ATF6: variants seen among roughly 807,000 people sequenced by gnomAD.
ATF6 encodes activating transcription factor 6.
In ATF6, 53 loss-of-function variants were observed where a neutral mutation model predicts 83.6. That is an observed-to-expected ratio of 0.63 (90% CI 0.51 to 0.80). The LOEUF (loss-of-function observed/expected upper bound fraction) is 0.80, where lower values mean the gene tolerates loss of function less well. Among genes scored for constraint, ATF6 ranks in the 30% least tolerant of loss-of-function variants. ATF6 has a pLI of 0.00. For missense variants in ATF6, 744 were observed against 797.9 expected, an observed-to-expected ratio of 0.93 and a Z score of 0.81; for synonymous variants, 288 against 285.8, an observed-to-expected ratio of 1.01 and a Z score of -0.08.
At chr1:161,936,585 C>G (rs759526567) in intron 15 of ATF6, among the ~76,000 whole-genome samples, 7 of 152,144 alleles carry the variant, frequency 4.6e-5, no homozygotes, top group Non-Finnish European at 8.8e-5. Context: ...TAAATTTCAT[C>G]TTGTTGGAGT....
intron 6 of ATF6, among the ~76,000 whole-genome samples, chr1:161,795,833 A>C: frequency 6.6e-6 from 1 of 152,216 alleles, no homozygotes; most frequent in East Asian, 1.9e-4. Context: ...GCATTTACCA[A>C]GTCACCATGA....
At chr1:161,929,622 AC>A (rs907295415) in intron 15 of ATF6, among the ~76,000 whole-genome samples, 7 of 152,232 alleles carry the variant, frequency 4.6e-5, no homozygotes, top group Non-Finnish European at 7.3e-5. Context: ...GCAGTCAGGC[AC>A]TAAGTGGCCA....
In ATF6 at chr1:161,835,624, C is replaced by G. The variant is rs376577574; in HGVS notation, c.1188-10825C>G. 2.6e-5 allele frequency among the ~76,000 whole-genome samples: 4 copies of G among 152,050 alleles called. No homozygotes were observed. In the East Asian group the frequency reaches 7.7e-4, roughly 29 times the overall value. ...ATTCATTAGATTATAAGATAATGTA[C>G]GTAAGGGAAGTTTTTATTAAAATGT... On this transcript the variant is annotated intron_variant, in intron 9 of 15. Coordinates refer to ENST00000367942, the MANE Select transcript of ATF6 (RefSeq NM_007348.4).
chr1:161,911,816 T>C (rs2101888255), intron 14 of ATF6, among the ~76,000 whole-genome samples: 1 of 152,280 alleles, frequency 6.6e-6, no homozygotes, highest in South Asian at 2.1e-4. Flanking sequence ...AAAGAGTTTA[T>C]TGCCTTTAAA....
At chr1:161,816,078 A>G (rs1685604288) in intron 7 of ATF6, among the ~76,000 whole-genome samples, 1 of 152,218 alleles carries the variant, frequency 6.6e-6, no homozygotes, top group Non-Finnish European at 1.5e-5. Context: ...ACAGTCAAAT[A>G]AGTGTTTACT....
chr1:161,792,469 A>G (rs773863423), intron 6 of ATF6, 142 bp downstream of exon 6: 2 of 779,352 alleles, frequency 2.6e-6, no homozygotes, highest in Non-Finnish European at 4.2e-6. Flanking sequence ...GACGTTGCAG[A>G]GATGACTAAT....
chr1:161,843,194 A>T lies in ATF6; in HGVS notation c.1188-3255A>T, dbSNP rs1686399966. Among the ~76,000 whole-genome samples, 4 of 152,284 alleles carry T rather than the reference A, an allele frequency of 2.6e-5. No homozygotes were observed. The South Asian group carries it at 8.3e-4, about 32-fold the overall frequency. ...TTAACTTAACATGCACATCTTTGAGATGTGGGAGGAAACTGGAGTACCCAC... is the reference window on the plus strand; with the variant it reads ...TTAACTTAACATGCACATCTTTGAGTTGTGGGAGGAAACTGGAGTACCCAC... On this transcript the variant is annotated intron_variant, in intron 9 of 15. Coordinates refer to ENST00000367942, the MANE Select transcript of ATF6 (RefSeq NM_007348.4).
chr1:161,789,278 T>TA (rs1553228710), intron 4 of ATF6, among the ~76,000 whole-genome samples: 279 of 145,004 alleles, frequency 1.9e-3, no homozygotes, highest in Middle Eastern at 3.5e-3. Flanking sequence ...TTTTTTTTTT[T>TA]ACCCATTAAC....
intron 1 of ATF6, among the ~76,000 whole-genome samples, 168 bp downstream of exon 1, chr1:161,766,610 C>A (rs1296419189): frequency 5.3e-5 from 8 of 152,170 alleles, no homozygotes; most frequent in Non-Finnish European, 7.3e-5. Flanking sequence ...GAGTATCGTT[C>A]GGCTTCTGTC....
chr1:161,853,195 T>G, intron 11 of ATF6, 29 bp from the exon 12 acceptor site: 1 of 1,373,082 alleles, frequency 7.3e-7, no homozygotes, highest in Non-Finnish European at 1.0e-6. Context: ...TTAATTTCTA[T>G]GTTTAATTAA....
chr1:161,844,581 A>G (rs1686438004), intron 9 of ATF6, among the ~76,000 whole-genome samples: 1 of 152,174 alleles, frequency 6.6e-6, no homozygotes, highest in African/African-American at 2.4e-5. Flanking sequence ...TATTTCACTA[A>G]TAACAATAGC....
At chr1:161,883,681 A>C (rs528538693) in intron 14 of ATF6, among the ~76,000 whole-genome samples, 2 of 152,168 alleles carry the variant, frequency 1.3e-5, no homozygotes, top group South Asian at 4.1e-4. Context: ...TTATCTTAGA[A>C]GCATTAAAAC....
chr1:161,916,435 G>C (rs1337224979), intron 15 of ATF6, among the ~76,000 whole-genome samples: 2 of 152,114 alleles, frequency 1.3e-5, no homozygotes, highest in Non-Finnish European at 2.9e-5. Context: ...GTGAATTGCA[G>C]ATAACATGGT....
Position 161,959,488 on chromosome 1 carries a change from G to C in ATF6, c.*834G>C, listed in dbSNP as rs1177846025. The C allele has an allele frequency of 1.3e-5, 2 of 152,106 alleles. No individual in the cohort carries two copies. The highest frequency in any genetic ancestry group is 2.1e-4 in the South Asian group (1 of 4,808). 9.4% of individuals were successfully genotyped at this position (152,106 alleles called of 1,614,324 possible). Reference sequence around the variant, plus strand: ...GATCAAGACCATCCCGGCTAAAACGGTGAAACCCCGTCTCTACTAAAAATA... The same window carrying C: ...GATCAAGACCATCCCGGCTAAAACGCTGAAACCCCGTCTCTACTAAAAATA... On this transcript the variant is annotated 3_prime_UTR_variant, in exon 16 of 16. Coordinates refer to ENST00000367942, the MANE Select transcript of ATF6 (RefSeq NM_007348.4).
chr1:161,838,337 T>C (rs1305394338), intron 9 of ATF6, among the ~76,000 whole-genome samples: 2 of 152,204 alleles, frequency 1.3e-5, no homozygotes, highest in South Asian at 2.1e-4. Context: ...GTATCAGTTA[T>C]CTAATACTGT....
At chr1:161,799,319 T>G (rs1685089245) in intron 6 of ATF6, among the ~76,000 whole-genome samples, 1 of 150,096 alleles carries the variant, frequency 6.7e-6, no homozygotes, top group Non-Finnish European at 1.5e-5. Flanking sequence ...CTAAGATAAT[T>G]AATGCAGGAA....
intron 2 of ATF6, 77 bp downstream of exon 2, chr1:161,778,397 A>C: frequency 8.7e-7 from 1 of 1,154,134 alleles, no homozygotes; most frequent in Non-Finnish European, 1.3e-6. Flanking sequence ...TCAGGACAAC[A>C]GGTTCAGGCT....
At chr1:161,767,388 A>T (rs1010693805) in intron 1 of ATF6, among the ~76,000 whole-genome samples, 2 of 152,224 alleles carry the variant, frequency 1.3e-5, no homozygotes, top group African/African-American at 2.4e-5. Flanking sequence ...CTAAAACTAT[A>T]TTCTATTGGA....
chr1:161,810,580 C>T (rs148185122), intron 7 of ATF6, among the ~76,000 whole-genome samples: 4 of 152,016 alleles, frequency 2.6e-5, no homozygotes, highest in African/African-American at 9.6e-5. Context: ...GTGCATTTGT[C>T]TGGGGAGTCC....
Sources: gnomAD v4.1 joint callset for allele counts (sites outside exome capture counted in the v4.1 genomes callset) on GRCh38, gnomAD v4.1.1 for gene constraint, MANE v1.5 for transcripts, NCBI Gene and HGNC (gene_info 2026-07-23, HGNC 2026-07-21) for gene names.